The following AFAP1 variants were observed in gnomAD, a reference collection of about 807,000 sequenced individuals.
AFAP1 encodes actin filament-associated protein 1.
AFAP1 carries 75 observed loss-of-function variants against 93.9 expected under a neutral mutation model. The ratio of observed to expected loss-of-function variants is 0.80; its 90% CI spans 0.66 to 0.97. AFAP1 has a LOEUF of 0.97. Among genes scored for constraint, AFAP1 ranks in the 50% least tolerant of loss-of-function variants. The probability of loss-of-function intolerance (pLI) is 0.00; values close to 1 mark genes in which losing one functional copy is unlikely to be tolerated. For missense variants in AFAP1, 1,201 were observed against 1,050.8 expected, an observed-to-expected ratio of 1.14 and a Z score of -1.98; for synonymous variants, 517 against 430.7, an observed-to-expected ratio of 1.20 and a Z score of -2.48.
chr4:7,905,040 T>C (rs1351792426), intron 1 of AFAP1, among the ~76,000 whole-genome samples: 1 of 152,176 alleles, frequency 6.6e-6, no homozygotes, highest in Non-Finnish European at 1.5e-5. Context: ...ATCAGAGCAG[T>C]GAGCAGGGAG....
At chr4:7,926,846 C>A (rs1720798123) in intron 1 of AFAP1, among the ~76,000 whole-genome samples, 1 of 152,322 alleles carries the variant, frequency 6.6e-6, no homozygotes, top group South Asian at 2.1e-4. Flanking sequence ...AGCGATTCTC[C>A]CGCCTCAGCC....
chr4:7,825,682 G>A (rs1037338309), intron 6 of AFAP1, among the ~76,000 whole-genome samples: 10 of 151,640 alleles, frequency 6.6e-5, no homozygotes, highest in Admixed American at 6.6e-4. Flanking sequence ...AGGAAGTTGC[G>A]ATAATTACAG....
In AFAP1 at chr4:7,800,772, A is replaced by G. The variant is rs1206113921; in HGVS notation, c.1055-119T>C. 1.3e-5 allele frequency: 12 copies of G among 952,788 alleles called. No homozygotes were observed. The East Asian group carries it at 3.1e-4, about 25-fold the overall frequency. 59.0% of individuals were successfully genotyped at this position (952,788 alleles called of 1,614,324 possible). A position where few individuals can be genotyped will look rare whatever the true frequency, so the allele number is the denominator to read the frequency against. Reference sequence around the variant, plus strand: ...AGTGTGGATAAAACAAATCCTTCACACGATCGATCAAGCTTTAAATGCAAA... The same window carrying G: ...AGTGTGGATAAAACAAATCCTTCACGCGATCGATCAAGCTTTAAATGCAAA... On this transcript the variant is annotated intron_variant, in intron 9 of 17. Coordinates refer to ENST00000420658, the MANE Select transcript of AFAP1 (RefSeq NM_001134647.2).
At chr4:7,814,564 C>G (rs923038395) in intron 8 of AFAP1, among the ~76,000 whole-genome samples, 2 of 152,222 alleles carry the variant, frequency 1.3e-5, no homozygotes, top group Non-Finnish European at 2.9e-5. Context: ...TCCATCCACA[C>G]AGTGGAATGC....
Position 7,763,724 on chromosome 4 carries a change from GGGGTGT to G in AFAP1, c.*35_*40del, listed in dbSNP as rs1714130821. 6.4e-7 allele frequency: 1 copy of G among 1,551,174 alleles called. No homozygotes were observed. Among genetic ancestry groups the G allele is most frequent in the Admixed American group, 2.0e-5 (1 of 50,984 alleles). On this transcript the variant is annotated 3_prime_UTR_variant, in exon 18 of 18. Transcript: ENST00000420658. ...TCACACAGATGAGGATACAGGCAAG[GGGGTGT>G]GCAGTCTCTGAGGCTGGAGTGGTGC...
At chr4:7,904,177 A>G (rs1423525814) in intron 1 of AFAP1, among the ~76,000 whole-genome samples, 1 of 152,134 alleles carries the variant, frequency 6.6e-6, no homozygotes, top group Non-Finnish European at 1.5e-5. Context: ...TGCTGCTGCC[A>G]TGATGACAGC....
chr4:7,837,622 C>G (rs1167627644), intron 6 of AFAP1, among the ~76,000 whole-genome samples: 1 of 152,144 alleles, frequency 6.6e-6, no homozygotes, highest in East Asian at 1.9e-4. Context: ...AAATTAAGAA[C>G]CCAGTGAACA....
chr4:7,937,492 CTGTTT>C (rs1390740246), intron 1 of AFAP1, among the ~76,000 whole-genome samples: 1 of 152,130 alleles, frequency 6.6e-6, no homozygotes, highest in Non-Finnish European at 1.5e-5. Flanking sequence ...TACATTGTTT[CTGTTT>C]TTATTTTGAG....
chr4:7,759,005 T>A lies in AFAP1; in HGVS notation c.*4760A>T, dbSNP rs1713397787. 1.3e-5 allele frequency: 2 copies of A among 152,638 alleles called. No individual in the cohort carries two copies. Among genetic ancestry groups the A allele is most frequent in the African/African-American group, 4.8e-5 (2 of 41,474 alleles). The allele number at this position is 152,638 out of a possible 1,614,324, so 9.5% of individuals were successfully genotyped here. A position where few individuals can be genotyped will look rare whatever the true frequency, so the allele number is the denominator to read the frequency against. On this transcript the variant is annotated 3_prime_UTR_variant, in exon 18 of 18. Transcript: ENST00000420658. Reference sequence around the variant, plus strand: ...AAAAAATCTTTGCTGTTTCTTTGCCTGTTTCTTTCAAAGAGAATTTTAAAT... The same window carrying A: ...AAAAAATCTTTGCTGTTTCTTTGCCAGTTTCTTTCAAAGAGAATTTTAAAT...
intron 7 of AFAP1, among the ~76,000 whole-genome samples, chr4:7,817,081 T>G (rs1039915212): frequency 3.3e-5 from 5 of 151,962 alleles, no homozygotes; most frequent in African/African-American, 1.2e-4. Context: ...CTGGTGTGAG[T>G]GCGTGGATGA....
chr4:7,854,658 T>C (rs956128543), intron 4 of AFAP1, among the ~76,000 whole-genome samples: 3 of 152,204 alleles, frequency 2.0e-5, no homozygotes, highest in East Asian at 1.9e-4. Flanking sequence ...AGAAGATCAA[T>C]GCACCAGGAG....
chr4:7,878,452 C>T (rs1717649041), intron 1 of AFAP1, among the ~76,000 whole-genome samples: 1 of 152,224 alleles, frequency 6.6e-6, no homozygotes, highest in African/African-American at 2.4e-5. Context: ...CTTTCCACTG[C>T]CCGACACAGG....
At chr4:7,894,305 G>A (rs1274882964) in intron 1 of AFAP1, among the ~76,000 whole-genome samples, 1 of 152,152 alleles carries the variant, frequency 6.6e-6, no homozygotes, top group Non-Finnish European at 1.5e-5. Flanking sequence ...GTCGCAACAA[G>A]AGTCTAAAGC....
At chr4:7,883,589 AT>A (rs1717974610) in intron 1 of AFAP1, among the ~76,000 whole-genome samples, 1 of 152,216 alleles carries the variant, frequency 6.6e-6, no homozygotes, top group South Asian at 2.1e-4. Flanking sequence ...AATTATTTCT[AT>A]TGGCAGCTGA....
At chr4:7,904,249 C>T (rs1719275414) in intron 1 of AFAP1, among the ~76,000 whole-genome samples, 1 of 152,020 alleles carries the variant, frequency 6.6e-6, no homozygotes, top group Non-Finnish European at 1.5e-5. Context: ...TGCACGGGGC[C>T]GACTGCTTTT....
At chr4:7,870,750 G>C (rs1716951572) in intron 2 of AFAP1, among the ~76,000 whole-genome samples, 1 of 152,052 alleles carries the variant, frequency 6.6e-6, no homozygotes, top group Admixed American at 6.6e-5. Context: ...GCCCACCCAG[G>C]TTTCCCCAAG....
intron 1 of AFAP1, among the ~76,000 whole-genome samples, chr4:7,917,539 T>C (rs769934075): frequency 7.2e-5 from 11 of 152,190 alleles, no homozygotes; most frequent in Non-Finnish European, 1.6e-4. Flanking sequence ...AAGGAATTTA[T>C]TGCAATTTTT....
chr4:7,909,199 T>C (rs1719590100), intron 1 of AFAP1, among the ~76,000 whole-genome samples: 1 of 152,210 alleles, frequency 6.6e-6, no homozygotes. Flanking sequence ...ACTAAGCACT[T>C]TGCACACATA....
At chr4:7,827,719 C>T (rs148998278) in intron 6 of AFAP1, among the ~76,000 whole-genome samples, 121 of 151,850 alleles carry the variant, frequency 8.0e-4, no homozygotes, top group African/African-American at 2.7e-3. Flanking sequence ...CCCACACCAC[C>T]GCACTGAGAC....
Sources: allele counts gnomAD v4.1 joint callset (sites outside exome capture counted in the v4.1 genomes callset), GRCh38; gene constraint gnomAD v4.1.1; transcripts MANE v1.5; gene names NCBI Gene and HGNC (gene_info 2026-07-23, HGNC 2026-07-21).